The following LAMB3 variants were observed in gnomAD, a reference collection of about 807,000 sequenced individuals.
LAMB3 encodes laminin subunit beta 3.
A neutral mutation model predicts 140.3 loss-of-function variants in LAMB3; 104 were observed. The ratio of observed to expected loss-of-function variants is 0.74; its 90% confidence interval spans 0.63 to 0.87. The LOEUF is 0.87. Ranked by LOEUF, LAMB3 falls within the 40% of genes least tolerant of loss-of-function variation. The probability of loss-of-function intolerance (pLI) is 0.00; values close to 1 mark genes in which losing one functional copy is unlikely to be tolerated. For synonymous variants in LAMB3, 592 were observed against 602.9 expected (o/e 0.98, Z 0.26); for missense variants, 1,531 against 1,575.2 (o/e 0.97, Z 0.47).
At chr1:209,645,486 C>T (rs1053681867) in intron 3 of LAMB3, among the ~76,000 whole-genome samples, 14 of 152,016 alleles carry the variant, frequency 9.2e-5, no homozygotes, top group South Asian at 2.1e-4. Flanking sequence ...GAGGCCAAGG[C>T]GGGCAGATCG....
rs1422506859 is a variant in LAMB3, at chr1:209,616,613, T to C, written c.3240A>G (p.Arg1080=). Residue 1080 remains arginine (R), a synonymous_variant, in exon 22 of 23, where the codon AGA becomes AGG. Transcript: ENST00000356082. ...QALSAQEGFE[R]IKQKYAELKD... ...TCAACTCAGCATACTTTTGTTTTAT[T>C]CTCTCAAATCCCTGAAAAAGGTAGA... is the stretch of plus-strand genomic sequence containing the variant. The C allele has an allele frequency of 1.2e-6, 2 of 1,614,164 alleles. No homozygotes were observed. Among genetic ancestry groups the C allele is most frequent in the Non-Finnish European group, 1.7e-6 (2 of 1,179,998 alleles).
Position 209,616,636 on chromosome 1 carries a change from A to G in LAMB3, c.3229-12T>C. The G allele has an allele frequency of 6.2e-7, 1 of 1,614,008 alleles. No individual in the cohort carries two copies. The highest frequency in any genetic ancestry group is 1.1e-5 in the South Asian group (1 of 91,082). ...ATTCTCTCAAATCCCTGAAAAAGGTAGAATAGTCTCAGTGTCATTGTCATC... is the reference window on the plus strand; with the variant it reads ...ATTCTCTCAAATCCCTGAAAAAGGTGGAATAGTCTCAGTGTCATTGTCATC... On this transcript the variant is annotated splice_polypyrimidine_tract_variant and intron_variant, in intron 21 of 22. Transcript: ENST00000356082.
chr1:209,627,433 C>T lies in LAMB3; in HGVS notation c.1435G>A (p.Glu479Lys). The part of the protein sequence containing the change: ...HWKLASGQGC[E>K]PCACDPHNSL... ...TTGTGCGGGTCGCAGGCACACGGTT[C>T]ACAGCCCTGGCCACTGGCCAGCTTC... The change falls in exon 12 of 23, where the codon GAA (glutamate) becomes AAA (lysine). Residue 479 changes from glutamate (E) to lysine (K), a missense_variant. Coordinates refer to ENST00000356082, the MANE Select transcript of LAMB3 (RefSeq NM_000228.3). The T allele has an allele frequency of 6.2e-7, 1 of 1,613,952 alleles. No homozygotes were observed. Among genetic ancestry groups the T allele is most frequent in the East Asian group, 2.2e-5 (1 of 44,840 alleles).
At chr1:209,638,707 G>T in intron 3 of LAMB3, 59 bp from the exon 4 acceptor site, 2 of 1,074,568 alleles carry the variant, frequency 1.9e-6, no homozygotes, top group Non-Finnish European at 1.4e-6. Flanking sequence ...ATTCCCCCTT[G>T]CGTCCTGAGA....
chr1:209,630,506 T>A (rs1454321667), intron 9 of LAMB3, 109 bp downstream of exon 9: 1 of 1,248,950 alleles, frequency 8.0e-7, no homozygotes, highest in Non-Finnish European at 1.1e-6. Context: ...AGTTTAGATT[T>A]ACATAAGAAA....
intron 18 of LAMB3, among the ~76,000 whole-genome samples, chr1:209,622,141 A>T (rs1666218139): frequency 6.6e-6 from 1 of 152,246 alleles, no homozygotes; most frequent in African/African-American, 2.4e-5. Context: ...AAGGACAGCC[A>T]GTGAACAAAG....
At chr1:209,639,167 C>T (rs2076441541) in intron 3 of LAMB3, among the ~76,000 whole-genome samples, 1 of 152,158 alleles carries the variant, frequency 6.6e-6, no homozygotes, top group South Asian at 2.1e-4. Flanking sequence ...AGCTCTGTCA[C>T]CTCTACTTCC....
rs750121518 is a variant in LAMB3 at position 209,615,356 on chromosome 1, G to A, written c.3434C>T (p.Ala1145Val). 101 of 1,612,948 alleles carry A rather than the reference G, an allele frequency of 6.3e-5. No homozygotes were observed. Among genetic ancestry groups the A allele is most frequent in the South Asian group, 1.2e-4 (11 of 90,988 alleles). ...ACGCTTCTCCAGTCCTGTCAGGTCC[G>A]CTGAGCGCAGCATGATGGCCTGGCT... ...RGSQAIMLRS[A>V]DLTGLEKRVE... Residue 1145 changes from alanine (A) to valine (V), a missense_variant, in exon 23 of 23, where the codon GCG becomes GTG. Physicochemically the swap from Ala to Val is moderately conservative, Grantham distance 64. Coordinates refer to ENST00000356082, the MANE Select transcript of LAMB3 (RefSeq NM_000228.3).
At chr1:209,645,643 G>A (rs2076510307) in intron 3 of LAMB3, among the ~76,000 whole-genome samples, 1 of 151,426 alleles carries the variant, frequency 6.6e-6, no homozygotes, top group African/African-American at 2.4e-5. Flanking sequence ...TTGAACCTGG[G>A]AAGCAGAGGT....
chr1:209,644,571 G>C (rs1461177041), intron 3 of LAMB3, among the ~76,000 whole-genome samples: 1 of 152,004 alleles, frequency 6.6e-6, no homozygotes, highest in Non-Finnish European at 1.5e-5. Context: ...TGTCCCACCT[G>C]TCTGACTCCA....
intron 18 of LAMB3, among the ~76,000 whole-genome samples, chr1:209,621,444 A>C (rs987904446): frequency 6.6e-6 from 1 of 152,322 alleles, no homozygotes; most frequent in South Asian, 2.1e-4. Context: ...ACTTCGGCCT[A>C]TCTGGGGCAA....
chr1:209,638,954 A>G (rs543852421), intron 3 of LAMB3, among the ~76,000 whole-genome samples: 11 of 145,954 alleles, frequency 7.5e-5, no homozygotes, highest in Non-Finnish European at 1.6e-4. Flanking sequence ...TTGCAGAGAA[A>G]CTTGAGAAAA....
At chr1:209,625,288 A>G (rs1666389335) in intron 14 of LAMB3, among the ~76,000 whole-genome samples, 1 of 152,158 alleles carries the variant, frequency 6.6e-6, no homozygotes, top group Non-Finnish European at 1.5e-5. Flanking sequence ...AGTTATTTTT[A>G]GAGCCCCTGC....
In LAMB3 at chr1:209,630,724, G is replaced by A; in HGVS notation, c.834C>T (p.Val278=). Residue 278 remains valine (V), a synonymous_variant, in exon 9 of 23, where the codon GTC becomes GTT. Transcript: ENST00000356082. Reference sequence around the variant, plus strand: ...CGGCAGTGTTGTGCTGGCAGACACAGACATCGTGGACCTGGGAGGGGGACC... The same window carrying A: ...CGGCAGTGTTGTGCTGGCAGACACAAACATCGTGGACCTGGGAGGGGGACC... ...GPSTAVQVHD[V]CVCQHNTAGP... The A allele has an allele frequency of 1.2e-6, 2 of 1,613,986 alleles. No homozygotes were observed. The highest frequency in any genetic ancestry group is 2.2e-5 in the South Asian group (2 of 91,058).
intron 3 of LAMB3, among the ~76,000 whole-genome samples, chr1:209,645,724 A>AAAAT (rs1558167807): frequency 6.8e-6 from 1 of 146,698 alleles, no homozygotes; most frequent in Non-Finnish European, 1.5e-5. Context: ...TCCCAGGGGA[A>AAAAT]AAAAAAAAAA....
intron 5 of LAMB3, among the ~76,000 whole-genome samples, chr1:209,635,523 C>T (rs1022844034): frequency 6.6e-6 from 1 of 152,222 alleles, no homozygotes; most frequent in Non-Finnish European, 1.5e-5. Flanking sequence ...ATGTCTCAGC[C>T]TCCTGAGTAG....
chr1:209,646,808 T>C (rs2076522728), intron 3 of LAMB3, among the ~76,000 whole-genome samples: 1 of 152,214 alleles, frequency 6.6e-6, no homozygotes, highest in Non-Finnish European at 1.5e-5. Flanking sequence ...CACATTCTTT[T>C]ATAGAGTGCT....
In LAMB3 at chr1:209,623,078, A is replaced by G; in HGVS notation, c.2460T>C (p.Gly820=). 1 of 1,614,128 alleles carries G rather than the reference A, an allele frequency of 6.2e-7. No homozygotes were observed. Among genetic ancestry groups the G allele is most frequent in the Non-Finnish European group, 8.5e-7 (1 of 1,180,024 alleles). The change falls in exon 17 of 23, where the codon GGT becomes GGC. Residue 820 remains glycine (G), a synonymous_variant. Transcript: ENST00000356082. The surrounding 1 kb of genome is among the most constrained non-coding windows in gnomAD (Gnocchi z 4.2). ...AGGCCCCACCGGCCCTGGGAAGGAC[A>G]CCCCTGCAGCGGGAGCCACAGGCTG... is the stretch of plus-strand genomic sequence containing the variant. ...NGTACGSRCR[G]VLPRAGGAFL...
chr1:209,629,478 T>C (rs1666595795), intron 10 of LAMB3, among the ~76,000 whole-genome samples: 1 of 152,220 alleles, frequency 6.6e-6, no homozygotes, highest in Non-Finnish European at 1.5e-5. Flanking sequence ...AAACTGTATC[T>C]TATGTTTACT....
Sources: allele counts gnomAD v4.1 joint callset (sites outside exome capture counted in the v4.1 genomes callset), GRCh38; gene constraint gnomAD v4.1.1; non-coding constraint Gnocchi (gnomAD v3.1); transcripts MANE v1.5; gene names NCBI Gene and HGNC (gene_info 2026-07-23, HGNC 2026-07-21).